The following SUSD4 variants were observed in gnomAD, a reference collection of about 807,000 sequenced individuals.
SUSD4 encodes the protein sushi domain-containing protein 4.
A neutral mutation model predicts 50.5 loss-of-function variants in SUSD4; 41 were observed. The ratio of observed to expected loss-of-function variants is 0.81; its 90% CI spans 0.63 to 1.05. The LOEUF is 1.05. Ranked by LOEUF, SUSD4 falls within the 50% of genes least tolerant of loss-of-function variation. The probability of loss-of-function intolerance (pLI) is 0.00; values close to 1 mark genes in which losing one functional copy is unlikely to be tolerated. For synonymous variants in SUSD4, 257 were observed against 257.3 expected (o/e 1.00, Z 0.01); for missense variants, 580 against 634.7 (o/e 0.91, Z 0.93).
chr1:223,233,042 C>A lies in SUSD4; in HGVS notation c.725-3654G>T, dbSNP rs764020598. ...CTGCCCTTCCCGTACTGGGGCACTA[C>A]CAGGCTCCTTATGCAATTAGGATAC... On this transcript the variant is annotated intron_variant, in intron 5 of 8. Transcript: ENST00000366878. Among the ~76,000 whole-genome samples, 3 of 152,180 alleles carry A rather than the reference C, an allele frequency of 2.0e-5. No homozygotes were observed. The East Asian group carries it at 5.8e-4, about 29-fold the overall frequency.
intron 2 of SUSD4, among the ~76,000 whole-genome samples, chr1:223,319,258 T>C (rs1666429312): frequency 8.0e-6 from 1 of 124,438 alleles, no homozygotes; most frequent in South Asian, 3.2e-4. Flanking sequence ...GGACTTCATG[T>C]CCAAAACACC....
intron 3 of SUSD4, among the ~76,000 whole-genome samples, chr1:223,276,462 T>C (rs1271867133): frequency 1.3e-5 from 2 of 152,188 alleles, no homozygotes; most frequent in African/African-American, 2.4e-5. Context: ...TGCACAGGCT[T>C]GAGAACCCTT....
intron 2 of SUSD4, among the ~76,000 whole-genome samples, chr1:223,335,088 T>C (rs1667386411): frequency 6.6e-6 from 1 of 152,184 alleles, no homozygotes; most frequent in African/African-American, 2.4e-5. Context: ...CAATCATATA[T>C]ATATATACCA....
At chr1:223,302,093 G>A (rs1665235228) in intron 2 of SUSD4, among the ~76,000 whole-genome samples, 1 of 152,116 alleles carries the variant, frequency 6.6e-6, no homozygotes, top group South Asian at 2.1e-4. Flanking sequence ...GTTCTCACAA[G>A]TTGTTTAAAA....
At chr1:223,310,923 G>T (rs1350586581) in intron 2 of SUSD4, among the ~76,000 whole-genome samples, 1 of 152,194 alleles carries the variant, frequency 6.6e-6, no homozygotes, top group Non-Finnish European at 1.5e-5. Flanking sequence ...AGAGGTACCT[G>T]CAAATAACAT....
At chr1:223,353,382 T>TA (rs1668474384) in intron 2 of SUSD4, among the ~76,000 whole-genome samples, 1 of 152,160 alleles carries the variant, frequency 6.6e-6, no homozygotes, top group African/African-American at 2.4e-5. Flanking sequence ...AGACGCTCAA[T>TA]AATAACTCTG....
chr1:223,223,276 TG>T lies in SUSD4; in HGVS notation c.1416del (p.Thr473ProfsTer13), dbSNP rs1443897405. The T allele has an allele frequency of 3.7e-5, 57 of 1,557,326 alleles. No homozygotes were observed. The highest frequency in any genetic ancestry group is 4.9e-5 in the Non-Finnish European group (56 of 1,154,608). On this transcript the variant is annotated frameshift_variant, in exon 8 of 9. Transcript: ENST00000366878. LOFTEE classifies it high-confidence loss of function. ...IIASTAEEVA[S>X]TSPGIDIADE... ...TCTGCAATGTCGATGCCTGGGCTGG[TG>T]GATGCCACCTCCTCTGCCGTGCTGG...
chr1:223,260,387 A>G (rs1453758380), intron 5 of SUSD4, among the ~76,000 whole-genome samples: 1 of 152,234 alleles, frequency 6.6e-6, no homozygotes, highest in Non-Finnish European at 1.5e-5. Flanking sequence ...ACAATGAGAA[A>G]TTCCCCACAT....
At chr1:223,287,668 G>A (rs1022793688) in intron 3 of SUSD4, among the ~76,000 whole-genome samples, 1 of 152,024 alleles carries the variant, frequency 6.6e-6, no homozygotes, top group Non-Finnish European at 1.5e-5. Flanking sequence ...CTATCTGACA[G>A]ACCTATGGGA....
At chr1:223,289,111 C>T (rs1020691902) in intron 3 of SUSD4, 2 of 985,454 alleles carry the variant, frequency 2.0e-6, no homozygotes, top group Non-Finnish European at 1.2e-6. Flanking sequence ...GGCCTTTAGT[C>T]ACTGTACTTA....
intron 5 of SUSD4, among the ~76,000 whole-genome samples, chr1:223,252,471 T>G (rs1006820436): frequency 4.0e-5 from 6 of 151,422 alleles, no homozygotes; most frequent in African/African-American, 1.5e-4. Context: ...GGCCACAGAG[T>G]CTTTAAAAAT....
chr1:223,350,250 G>C (rs891846027), intron 2 of SUSD4, among the ~76,000 whole-genome samples: 1 of 152,230 alleles, frequency 6.6e-6, no homozygotes, highest in Non-Finnish European at 1.5e-5. Flanking sequence ...GCTCCTGAGG[G>C]CCGGGACTGT....
At chr1:223,364,586 C>G (rs1669210374), upstream of SUSD4, among the ~76,000 whole-genome samples, 1 of 150,552 alleles carries the variant, frequency 6.6e-6, no homozygotes, top group Non-Finnish European at 1.5e-5. The surrounding 1 kb of genome is among the most constrained non-coding windows in gnomAD (Gnocchi z 4.5). Context: ...CGCCCCTTCC[C>G]CGGCGCTGGA....
At chr1:223,343,685 G>A (rs547715220) in intron 2 of SUSD4, among the ~76,000 whole-genome samples, 11 of 152,144 alleles carry the variant, frequency 7.2e-5, no homozygotes, top group South Asian at 6.2e-4. Context: ...TTTTGTTAAC[G>A]TTGCTCATCC....
At chr1:223,348,001 T>C (rs1668137207) in intron 2 of SUSD4, among the ~76,000 whole-genome samples, 1 of 152,058 alleles carries the variant, frequency 6.6e-6, no homozygotes, top group Non-Finnish European at 1.5e-5. Flanking sequence ...TAAGGCAACC[T>C]CTATGGCCCC....
chr1:223,228,599 A>C (rs1293397315), intron 6 of SUSD4, among the ~76,000 whole-genome samples: 2 of 152,200 alleles, frequency 1.3e-5, no homozygotes, highest in Non-Finnish European at 2.9e-5. Context: ...TTTGCAATTA[A>C]GTCATTTGCT....
intron 2 of SUSD4, among the ~76,000 whole-genome samples, chr1:223,298,362 C>T (rs1490800089): frequency 6.6e-6 from 1 of 152,078 alleles, no homozygotes; most frequent in South Asian, 2.1e-4. Context: ...CTCCTAACAC[C>T]CTTTCACCTT....
intron 2 of SUSD4, among the ~76,000 whole-genome samples, chr1:223,293,058 G>A (rs2795063): frequency 0.49 from 74,905 of 151,988 alleles, 20,545 homozygotes; most frequent in African/African-American, 0.74. Flanking sequence ...ACAGAACTCT[G>A]TGCAGGGAGG....
chr1:223,286,457 A>G lies in SUSD4; in HGVS notation c.361+5982T>C, dbSNP rs187999362. 2.4e-4 allele frequency among the ~76,000 whole-genome samples: 37 copies of G among 151,850 alleles called. 1 individual carries two copies. The highest frequency in any genetic ancestry group is 7.7e-4 in the African/African-American group (32 of 41,372). On this transcript the variant is annotated intron_variant, in intron 3 of 8. Coordinates refer to ENST00000366878, the MANE Select transcript of SUSD4 (RefSeq NM_017982.4). ...GTAGAGACAGGGTTTCGTCATGTTG[A>G]CCAGGCTGGTCTAGAACTCCTGGCT...
Sources: allele counts gnomAD v4.1 joint callset (sites outside exome capture counted in the v4.1 genomes callset), GRCh38; gene constraint gnomAD v4.1.1; non-coding constraint Gnocchi (gnomAD v3.1); transcripts MANE v1.5; gene names NCBI Gene and HGNC (gene_info 2026-07-23, HGNC 2026-07-21).